Variants in MGST1 observed in about 807,000 individuals in gnomAD.
MGST1 encodes the protein microsomal glutathione S-transferase 1, also known as glutathione S-transferase 12.
Under a neutral mutation model 8.9 loss-of-function variants are expected in MGST1, and 5 were observed. That is an observed-to-expected ratio of 0.56 (90% confidence interval 0.29 to 1.19). The LOEUF (loss-of-function observed/expected upper bound fraction) is 1.19, where lower values mean the gene tolerates loss of function less well. Ranked by LOEUF, MGST1 falls within the 50% of genes most tolerant of loss-of-function variation. MGST1 has a pLI of 0.08. For missense variants in MGST1, 182 were observed against 187.4 expected (o/e 0.97, Z 0.17); for synonymous variants, 54 against 67.8 (o/e 0.80, Z 1.00).
intron 4 of MGST1, among the ~76,000 whole-genome samples, chr12:16,554,570 C>T (rs1356088686): frequency 6.6e-6 from 1 of 152,190 alleles, no homozygotes; most frequent in Non-Finnish European, 1.5e-5. Context: ...CTGCTAACAA[C>T]CCTTAGTGTA....
chr12:16,377,774 TG>T (rs1434094398), downstream of MGST1, among the ~76,000 whole-genome samples: 1 of 151,938 alleles, frequency 6.6e-6, no homozygotes, highest in Non-Finnish European at 1.5e-5. Context: ...AGTGTAAAAG[TG>T]TTCCTATTTC....
At position 16,559,716 on chromosome 12, in the gene MGST1, G is replaced by A. The variant is rs925608956; in HGVS notation, n.483-29812G>A. Among the ~76,000 whole-genome samples, 3 of 151,884 alleles carry A rather than the reference G, an allele frequency of 2.0e-5. No homozygotes were observed. Among genetic ancestry groups the A allele is most frequent in the Non-Finnish European group, 2.9e-5 (2 of 67,968 alleles). Reference sequence around the variant, plus strand: ...CTATAATCCCTGCACTTTGGGAGGTGGAGGTGGGAGGATTGCTTGAGGCCA... The same window carrying A: ...CTATAATCCCTGCACTTTGGGAGGTAGAGGTGGGAGGATTGCTTGAGGCCA... On this transcript the variant is annotated intron_variant and non_coding_transcript_variant, in intron 4 of 4. Transcript: ENST00000538857. The surrounding 1 kb of genome is among the most constrained non-coding windows in gnomAD (Gnocchi z 4.1).
chr12:16,554,818 G>A lies in MGST1; in HGVS notation n.483-34710G>A, dbSNP rs186629623. Among the ~76,000 whole-genome samples, 621 of 152,084 alleles carry A rather than the reference G, an allele frequency of 4.1e-3. 1 individual carries two copies. Among genetic ancestry groups the A allele is most frequent in the Non-Finnish European group, 6.3e-3 (431 of 67,966 alleles). The stretch of plus-strand genomic sequence containing the variant: ...ACTACAGGCGCCCGCCACCTCGACC[G>A]GCTCATTTTTTTGTATTTTTTAGTA... On this transcript the variant is annotated intron_variant and non_coding_transcript_variant, in intron 4 of 4. Coordinates refer to the MGST1 transcript ENST00000538857.
At chr12:16,348,757 G>C (rs1046494064) in intron 1 of MGST1, 5 of 143,656 alleles carry the variant, frequency 3.5e-5, no homozygotes, top group Non-Finnish European at 7.5e-5. Flanking sequence ...GTCCTCTGCT[G>C]TTTCCAAAAT....
chr12:16,349,374 G>T (rs1013030838), intron 1 of MGST1, among the ~76,000 whole-genome samples: 6 of 152,060 alleles, frequency 3.9e-5, no homozygotes, highest in Non-Finnish European at 7.4e-5. Context: ...CGGGGGTTTG[G>T]GGGGAGGGGT....
chr12:16,414,197 C>T (rs1419861339), intron 1 of MGST1, among the ~76,000 whole-genome samples: 1 of 151,752 alleles, frequency 6.6e-6, no homozygotes, highest in Admixed American at 6.6e-5. Flanking sequence ...TTTCTAGCTA[C>T]TAGCTTTTAT....
chr12:16,540,673 G>A (rs1229338918), intron 4 of MGST1, among the ~76,000 whole-genome samples: 1 of 152,238 alleles, frequency 6.6e-6, no homozygotes, highest in Non-Finnish European at 1.5e-5. Flanking sequence ...GCTCACGCCT[G>A]TAATGCCAGC....
rs986461712 is a variant in MGST1, at chr12:16,578,936, TAAAAA to T, written n.483-10591_483-10587del. ...ATACTTAACAAAGTCTCACTTGAAA[TAAAAA>T]GAAAAGAAAAAGTTCTTTATTCTAA... On this transcript the variant is annotated intron_variant and non_coding_transcript_variant, in intron 4 of 4. Transcript: ENST00000538857. Among the ~76,000 whole-genome samples the T allele has an allele frequency of 2.4e-4, 36 of 152,112 alleles. 1 individual carries two copies. Among genetic ancestry groups the T allele is most frequent in the Admixed American group, 1.8e-3 (28 of 15,268 alleles).
chr12:16,453,457 T>TAC lies in MGST1; in HGVS notation n.482+69854_482+69855insCA, dbSNP rs1941146245. Among the ~76,000 whole-genome samples the TAC allele has an allele frequency of 3.3e-5, 5 of 151,830 alleles. 1 individual carries two copies. The highest frequency in any genetic ancestry group is 9.7e-5 in the African/African-American group (4 of 41,374). On this transcript the variant is annotated intron_variant and non_coding_transcript_variant, in intron 4 of 4. Transcript: ENST00000538857. ...GGTAGTGTTTTTTACATTATTTATA[T>TAC]ATACATACAAACAAATACATAAATA...
At chr12:16,592,009 G>T (rs1194222326), downstream of MGST1, among the ~76,000 whole-genome samples, 2 of 151,924 alleles carry the variant, frequency 1.3e-5, no homozygotes, top group Non-Finnish European at 2.9e-5. Flanking sequence ...TGTTTATCAG[G>T]TGTAGAAAAT....
chr12:16,394,512 CCCTTTCTTTCTTTCTT>C (rs1340538439), intron 1 of MGST1, among the ~76,000 whole-genome samples: 2 of 49,006 alleles, frequency 4.1e-5, no homozygotes, highest in Admixed American at 2.6e-4. Context: ...CTCTTTCTCT[CCCTTTCTTTCTTTCTT>C]TCTTTCTTTC....
rs778834469 is a variant in MGST1 at position 16,560,827 on chromosome 12, G to A, written n.483-28701G>A. The A allele has an allele frequency of 7.0e-6, 3 of 428,084 alleles. No homozygotes were observed. Among genetic ancestry groups the A allele is most frequent in the African/African-American group, 2.1e-5 (1 of 48,524 alleles). The allele number at this position is 428,084 out of a possible 1,614,324, so 26.5% of individuals were successfully genotyped here. ...AGAAGTCAATGGGGGTGAATTCATA[G>A]CAAAAATCTCTGGGTTAGAGTATAT... On this transcript the variant is annotated intron_variant and non_coding_transcript_variant, in intron 4 of 4. Coordinates refer to the MGST1 transcript ENST00000538857. This position sits in a 1 kb window ranked among gnomAD's most constrained non-coding sequence, Gnocchi z 5.0.
At chr12:16,488,945 C>A (rs1007652487) in intron 4 of MGST1, among the ~76,000 whole-genome samples, 2 of 151,786 alleles carry the variant, frequency 1.3e-5, no homozygotes, top group Non-Finnish European at 2.9e-5. Flanking sequence ...CCCATCTGTA[C>A]AAAACTTTTT....
rs541540312 is a variant in MGST1, at chr12:16,586,485, G to A, written n.483-3043G>A. Among the ~76,000 whole-genome samples, 4 of 152,228 alleles carry A rather than the reference G, an allele frequency of 2.6e-5. No homozygotes were observed. Among genetic ancestry groups the A allele is most frequent in the South Asian group, 2.1e-4 (1 of 4,826 alleles). On this transcript the variant is annotated intron_variant and non_coding_transcript_variant, in intron 4 of 4. Coordinates refer to the MGST1 transcript ENST00000538857. The surrounding 1 kb of genome is among the most constrained non-coding windows in gnomAD (Gnocchi z 4.3). ...GACAATGTGTCTGGACAAATCTCACGCTAAGCATTATCTTCTACGTCCACA... is the reference window on the plus strand; with the variant it reads ...GACAATGTGTCTGGACAAATCTCACACTAAGCATTATCTTCTACGTCCACA...
intron 1 of MGST1, chr12:16,399,397 GTTC>G (rs1266076262): frequency 1.9e-5 from 28 of 1,513,422 alleles, no homozygotes; most frequent in Admixed American, 5.0e-5. Context: ...CTTCGACTTT[GTTC>G]TTCTTCTTCC....
intron 4 of MGST1, among the ~76,000 whole-genome samples, chr12:16,484,465 A>G (rs930869536): frequency 6.6e-6 from 1 of 152,176 alleles, no homozygotes; most frequent in Non-Finnish European, 1.5e-5. Context: ...ACACTGCTGT[A>G]AATAAATACC....
At chr12:16,423,520 A>G (rs1315874648) in intron 1 of MGST1, among the ~76,000 whole-genome samples, 2 of 142,552 alleles carry the variant, frequency 1.4e-5, no homozygotes, top group Non-Finnish European at 3.1e-5. Flanking sequence ...ACAAAAAACA[A>G]TTCTCTGATA....
At chr12:16,436,768 T>G (rs1049448765) in intron 1 of MGST1, among the ~76,000 whole-genome samples, 3 of 152,000 alleles carry the variant, frequency 2.0e-5, no homozygotes, top group Admixed American at 1.3e-4. Flanking sequence ...ATAAAAAAGT[T>G]AACTACCTTG....
intron 4 of MGST1, among the ~76,000 whole-genome samples, chr12:16,566,444 G>A (rs1234278540): frequency 6.6e-6 from 1 of 151,944 alleles, no homozygotes; most frequent in African/African-American, 2.4e-5. Flanking sequence ...TAATGTATGA[G>A]GCGATGGGTA....
Sources: gnomAD v4.1 joint callset for allele counts (sites outside exome capture counted in the v4.1 genomes callset) on GRCh38, gnomAD v4.1.1 for gene constraint, Gnocchi (gnomAD v3.1) non-coding constraint, MANE v1.5 for transcripts, NCBI Gene and HGNC (gene_info 2026-07-23, HGNC 2026-07-21) for gene names.